MEGF10: variants seen among roughly 807,000 people sequenced by gnomAD.
The protein encoded by MEGF10 is multiple EGF like domains 10.
Under a neutral mutation model 147.5 loss-of-function variants are expected in MEGF10, and 86 were observed. That is an observed-to-expected ratio of 0.58 (90% confidence interval 0.49 to 0.70). The LOEUF (loss-of-function observed/expected upper bound fraction) is 0.70, where lower values mean the gene tolerates loss of function less well. Among genes scored for constraint, MEGF10 ranks in the 30% least tolerant of loss-of-function variants. MEGF10 has a pLI of 0.00. For synonymous variants in MEGF10, 478 were observed against 525.5 expected, an observed-to-expected ratio of 0.91 and a Z score of 1.24; for missense variants, 1,329 against 1,487.3, an observed-to-expected ratio of 0.89 and a Z score of 1.75.
chr5:127,295,378 ATGTC>A (rs990678222), intron 1 of MEGF10, among the ~76,000 whole-genome samples: 11 of 152,194 alleles, frequency 7.2e-5, no homozygotes, highest in Non-Finnish European at 1.2e-4. Context: ...AGTTCAATAA[ATGTC>A]TGATTCAGAT....
chr5:127,361,754 T>G (rs1309160713), intron 4 of MEGF10, among the ~76,000 whole-genome samples: 1 of 152,164 alleles, frequency 6.6e-6, no homozygotes, highest in African/African-American at 2.4e-5. Flanking sequence ...ACTTTCTGAT[T>G]AATATATCTT....
chr5:127,264,292 G>C, the MEGF10 span, among the ~76,000 whole-genome samples: 1 of 152,010 alleles, frequency 6.6e-6, no homozygotes, highest in Non-Finnish European at 1.5e-5. Flanking sequence ...AACAGGCCTA[G>C]GAAGAGGGAA....
chr5:127,440,734 C>A lies in MEGF10; in HGVS notation c.2234-5C>A. The A allele has an allele frequency of 6.2e-7, 1 of 1,613,772 alleles. No homozygotes were observed. Among genetic ancestry groups the A allele is most frequent in the South Asian group, 1.1e-5 (1 of 91,022 alleles). On this transcript the variant is annotated splice_polypyrimidine_tract_variant and splice_region_variant and intron_variant, in intron 17 of 24. Coordinates refer to ENST00000503335, the MANE Select transcript of MEGF10 (RefSeq NM_001256545.2). Reference sequence around the variant, plus strand: ...TGACTCCTACTGTCCTCCCTCCTCCCACAGGATGTCCTCTAGGGTTTTATG... The same window carrying A: ...TGACTCCTACTGTCCTCCCTCCTCCAACAGGATGTCCTCTAGGGTTTTATG...
the MEGF10 span, among the ~76,000 whole-genome samples, chr5:127,248,730 A>G: frequency 6.6e-6 from 1 of 151,712 alleles, no homozygotes; most frequent in Non-Finnish European, 1.5e-5. Context: ...GGATAATATC[A>G]GTTGTCCCAT....
the MEGF10 span, among the ~76,000 whole-genome samples, chr5:127,265,414 TA>T: frequency 6.6e-6 from 1 of 152,194 alleles, no homozygotes; most frequent in African/African-American, 2.4e-5. Context: ...GCATGATTTA[TA>T]ATCCTTTGGG....
chr5:127,318,101 T>C (rs752156352), intron 1 of MEGF10, among the ~76,000 whole-genome samples: 27 of 152,250 alleles, frequency 1.8e-4, no homozygotes, highest in Middle Eastern at 3.4e-3. Flanking sequence ...TTAGTGCCCT[T>C]ATAAAAGAGA....
At chr5:127,381,913 C>T (rs1038967485) in intron 5 of MEGF10, among the ~76,000 whole-genome samples, 2 of 152,336 alleles carry the variant, frequency 1.3e-5, no homozygotes, top group Admixed American at 6.5e-5. Flanking sequence ...TCAAATGATC[C>T]ACCCACCTTG....
chr5:127,269,470 A>G, the MEGF10 span, among the ~76,000 whole-genome samples: 7 of 152,258 alleles, frequency 4.6e-5, no homozygotes, highest in African/African-American at 1.7e-4. Context: ...GATTTCATCA[A>G]CTGGAAGAAA....
At chr5:127,445,407 G>GT (rs769644232) in intron 19 of MEGF10, 50 bp from the exon 20 acceptor site, 124 of 1,434,254 alleles carry the variant, frequency 8.6e-5, no homozygotes, top group Non-Finnish European at 1.1e-4. Flanking sequence ...GAGATCAAAC[G>GT]TTTATCCAGC....
At chr5:127,308,759 T>C (rs1005788877) in intron 1 of MEGF10, among the ~76,000 whole-genome samples, 6 of 152,048 alleles carry the variant, frequency 3.9e-5, no homozygotes, top group Non-Finnish European at 7.3e-5. Context: ...ATATACCTAA[T>C]GTTAAATGAC....
In MEGF10 at chr5:127,410,309, C is replaced by G. The variant is rs80313631; in HGVS notation, c.918-80C>G. On this transcript the variant is annotated intron_variant, in intron 8 of 24. Coordinates refer to ENST00000503335, the MANE Select transcript of MEGF10 (RefSeq NM_001256545.2). ...AAAAGCAGCTTCGATTTATGCATAA[C>G]AAAGCCATTCCAAATTAACTGTTTA... 29,700 of 1,375,708 alleles carry G rather than the reference C, an allele frequency of 0.022. 528 individuals are homozygous for G. The highest frequency in any genetic ancestry group is 0.067 in the South Asian group (5,413 of 81,238). 85.2% of individuals were successfully genotyped at this position (1,375,708 alleles called of 1,614,324 possible).
intron 20 of MEGF10, among the ~76,000 whole-genome samples, chr5:127,447,343 T>C (rs971790394): frequency 6.6e-6 from 1 of 151,872 alleles, no homozygotes; most frequent in Non-Finnish European, 1.5e-5. Context: ...GCCCGGCTAA[T>C]TTTTTTTGTA....
chr5:127,371,587 A>G (rs1762854586), intron 5 of MEGF10, among the ~76,000 whole-genome samples: 2 of 152,208 alleles, frequency 1.3e-5, no homozygotes, highest in South Asian at 4.1e-4. Context: ...ATGCCACAGA[A>G]TAACTTCAGT....
intron 24 of MEGF10, 62 bp downstream of exon 24, chr5:127,455,669 C>A: frequency 1.5e-6 from 2 of 1,369,640 alleles, no homozygotes; most frequent in Non-Finnish European, 2.0e-6. Flanking sequence ...ATTTTAAAGT[C>A]TTTACGAATA....
intron 9 of MEGF10, among the ~76,000 whole-genome samples, chr5:127,411,350 G>A (rs1580834881): frequency 6.6e-6 from 1 of 152,348 alleles, no homozygotes; most frequent in East Asian, 1.9e-4. Context: ...TGACAAAAAT[G>A]TAGTGCGTTA....
chr5:127,325,241 C>T (rs930436480), intron 1 of MEGF10, among the ~76,000 whole-genome samples: 21 of 152,148 alleles, frequency 1.4e-4, no homozygotes, highest in East Asian at 5.8e-4. Flanking sequence ...CATCTCTAAA[C>T]GGACTCATTT....
intron 13 of MEGF10, among the ~76,000 whole-genome samples, chr5:127,429,411 AT>A (rs1242981879): frequency 6.6e-6 from 1 of 152,210 alleles, no homozygotes; most frequent in Non-Finnish European, 1.5e-5. Flanking sequence ...GTGAAGACTT[AT>A]TCAGGAAAGC....
chr5:127,391,883 G>T (rs1482338299), intron 5 of MEGF10, among the ~76,000 whole-genome samples: 1 of 152,152 alleles, frequency 6.6e-6, no homozygotes, highest in Non-Finnish European at 1.5e-5. Context: ...TGAACTAGTT[G>T]CTGGGCACAG....
At chr5:127,234,344 G>A in the MEGF10 span, among the ~76,000 whole-genome samples, 1 of 152,224 alleles carries the variant, frequency 6.6e-6, no homozygotes, top group African/African-American at 2.4e-5. Context: ...ATTCATAGGT[G>A]CAGAGTGGGT....
Sources: allele counts gnomAD v4.1 joint callset (sites outside exome capture counted in the v4.1 genomes callset), GRCh38; gene constraint gnomAD v4.1.1; transcripts MANE v1.5; gene names NCBI Gene and HGNC (gene_info 2026-07-23, HGNC 2026-07-21).